Variants in DGKB observed in about 807,000 individuals in gnomAD.
The protein encoded by DGKB is 90 kDa diacylglycerol kinase.
DGKB carries 67 observed loss-of-function variants against 114.3 expected under a neutral mutation model. The observed-to-expected ratio is 0.59, with a 90% CI of 0.48 to 0.72. The LOEUF (loss-of-function observed/expected upper bound fraction) is 0.72. Among genes scored for constraint, DGKB ranks in the 30% least tolerant of loss-of-function variants. The probability of loss-of-function intolerance (pLI) is 0.00; values close to 1 mark genes in which losing one functional copy is unlikely to be tolerated. For missense variants in DGKB, 907 were observed against 975.2 expected, an observed-to-expected ratio of 0.93 and a Z score of 0.93; for synonymous variants, 398 against 323.1, an observed-to-expected ratio of 1.23 and a Z score of -2.49.
chr7:14,416,604 T>C (rs897506214), intron 21 of DGKB, among the ~76,000 whole-genome samples: 1 of 152,046 alleles, frequency 6.6e-6, no homozygotes, highest in Admixed American at 6.6e-5. Flanking sequence ...GTTCTCATGG[T>C]AGTAAATAAG....
intron 13 of DGKB, among the ~76,000 whole-genome samples, chr7:14,649,348 C>A (rs948736782): frequency 1.6e-4 from 24 of 151,368 alleles, no homozygotes; most frequent in African/African-American, 5.8e-4. Flanking sequence ...ATTCAACATT[C>A]TTAAAGAAAA....
At chr7:14,667,711 T>G (rs1818278784) in intron 13 of DGKB, among the ~76,000 whole-genome samples, 1 of 152,156 alleles carries the variant, frequency 6.6e-6, no homozygotes, top group South Asian at 2.1e-4. Flanking sequence ...GCTCAGAGCC[T>G]ATCAGCTGGA....
intron 1 of DGKB, among the ~76,000 whole-genome samples, chr7:14,915,125 G>C (rs756900593): frequency 6.6e-6 from 1 of 152,182 alleles, no homozygotes; most frequent in South Asian, 2.1e-4. Context: ...CCACAATTTG[G>C]GGAGGCTATG....
At chr7:14,178,287 TA>T (rs1298419493) in intron 23 of DGKB, 136 bp from the exon 24 acceptor site, 2 of 901,134 alleles carry the variant, frequency 2.2e-6, no homozygotes, top group Non-Finnish European at 3.3e-6. Context: ...CTTAAAGTAA[TA>T]AAAAGATGGC....
rs184488875 is a variant in DGKB, at chr7:14,275,808, G to T, written c.2122+62707C>A. 7.9e-4 allele frequency among the ~76,000 whole-genome samples: 121 copies of T among 152,224 alleles called. 2 individuals carry two copies. In the East Asian group the frequency reaches 0.022, roughly 28 times the overall value. On this transcript the variant is annotated intron_variant, in intron 23 of 25. Coordinates refer to ENST00000402815, the MANE Select transcript of DGKB (RefSeq NM_001350709.2). ...ACATCTCTAAAACTAATTCATAATT[G>T]CCATGATATGATGATGAGGCCAAAT...
At chr7:14,642,190 T>A (rs961067065) in intron 13 of DGKB, among the ~76,000 whole-genome samples, 1 of 152,134 alleles carries the variant, frequency 6.6e-6, no homozygotes, top group Non-Finnish European at 1.5e-5. Context: ...TTTTCTATAC[T>A]CTTTCTTAAT....
intron 20 of DGKB, among the ~76,000 whole-genome samples, chr7:14,495,088 T>A (rs2128940998): frequency 6.6e-6 from 1 of 151,960 alleles, no homozygotes; most frequent in Non-Finnish European, 1.5e-5. Flanking sequence ...CCTATTGTAT[T>A]TCAAGTTGAC....
chr7:14,684,898 GGA>G (rs1383493746), intron 10 of DGKB, among the ~76,000 whole-genome samples: 4 of 152,132 alleles, frequency 2.6e-5, no homozygotes, highest in African/African-American at 7.2e-5. Flanking sequence ...TAACATGTGG[GGA>G]GGGGGGGATG....
intron 13 of DGKB, among the ~76,000 whole-genome samples, chr7:14,664,820 A>G (rs1525086): frequency 0.83 from 126,636 of 151,844 alleles, 52,934 homozygotes; most frequent in East Asian, 0.9. Flanking sequence ...AATTGCAGGA[A>G]AGAAGACAAC....
intron 13 of DGKB, among the ~76,000 whole-genome samples, chr7:14,639,340 C>T (rs141464872): frequency 2.6e-5 from 4 of 152,258 alleles, no homozygotes; most frequent in African/African-American, 7.2e-5. Flanking sequence ...GTGTTAGAGG[C>T]TATCAAAGGT....
At chr7:14,852,487 C>CAAAAAAAAAACAACAACAAAAA (rs1554304256) in intron 1 of DGKB, among the ~76,000 whole-genome samples, 1 of 63,636 alleles carries the variant, frequency 1.6e-5, no homozygotes. Flanking sequence ...TAGTGAAAGT[C>CAAAAAAAAAACAACAACAAAAA]AAAAAAAAAA....
At chr7:14,643,611 A>G (rs956242436) in intron 13 of DGKB, among the ~76,000 whole-genome samples, 13 of 152,122 alleles carry the variant, frequency 8.5e-5, no homozygotes, top group Admixed American at 7.2e-4. Flanking sequence ...CCTGTACTCC[A>G]GAAAATAGGT....
At position 14,287,181 on chromosome 7, in the gene DGKB, A is replaced by C. The variant is rs552279546; in HGVS notation, c.2122+51334T>G. ...ATTAATCAGACCCTAAAGACTCTAG[A>C]ATTCCAACATAACAGAATAAAATTT... On this transcript the variant is annotated intron_variant, in intron 23 of 25. Coordinates refer to ENST00000402815, the MANE Select transcript of DGKB (RefSeq NM_001350709.2). Among the ~76,000 whole-genome samples, 8 of 152,254 alleles carry C rather than the reference A, an allele frequency of 5.3e-5. No individual in the cohort carries two copies. The East Asian group carries it at 1.5e-3, about 29-fold the overall frequency.
Position 14,879,043 on chromosome 7 carries a change from T to C in DGKB, c.-188+23549A>G, listed in dbSNP as rs78164530. Among the ~76,000 whole-genome samples, 61 of 152,012 alleles carry C rather than the reference T, an allele frequency of 4.0e-4. No homozygotes were observed. In the East Asian group the frequency reaches 0.011, roughly 27 times the overall value. On this transcript the variant is annotated intron_variant, in intron 1 of 25. Coordinates refer to ENST00000402815, the MANE Select transcript of DGKB (RefSeq NM_001350709.2). ...AAAAACACATGCTTTTATGTTATAGTAAATTAAATACTCATGGTCTTGTTA... is the reference window on the plus strand; with the variant it reads ...AAAAACACATGCTTTTATGTTATAGCAAATTAAATACTCATGGTCTTGTTA...
intron 1 of DGKB, among the ~76,000 whole-genome samples, chr7:14,869,463 C>T (rs950584384): frequency 6.6e-6 from 1 of 152,052 alleles, no homozygotes; most frequent in African/African-American, 2.4e-5. Flanking sequence ...AATTAAGAAA[C>T]ATTCTTTGTA....
chr7:14,791,872 C>A (rs1408953836), intron 2 of DGKB, among the ~76,000 whole-genome samples: 1 of 151,924 alleles, frequency 6.6e-6, no homozygotes, highest in Non-Finnish European at 1.5e-5. Flanking sequence ...TCCATCTTTC[C>A]TTTTTTTGGT....
At chr7:14,843,253 A>G in intron 1 of DGKB, among the ~76,000 whole-genome samples, 2 of 151,478 alleles carry the variant, frequency 1.3e-5, no homozygotes. Context: ...TACATATACC[A>G]AGACATCACA....
intron 25 of DGKB, among the ~76,000 whole-genome samples, chr7:14,150,427 T>C (rs1177584147): frequency 6.6e-6 from 1 of 152,122 alleles, no homozygotes; most frequent in African/African-American, 2.4e-5. Context: ...ACAGGATCAT[T>C]AAAATCTGCA....
At chr7:14,298,621 C>A (rs1400368645) in intron 23 of DGKB, among the ~76,000 whole-genome samples, 2 of 152,082 alleles carry the variant, frequency 1.3e-5, no homozygotes, top group East Asian at 1.9e-4. Context: ...CCACTCAGGG[C>A]ATAGGCATGG....
Sources: allele counts gnomAD v4.1 joint callset (sites outside exome capture counted in the v4.1 genomes callset), GRCh38; gene constraint gnomAD v4.1.1; transcripts MANE v1.5; gene names NCBI Gene and HGNC (gene_info 2026-07-23, HGNC 2026-07-21).